Variants in WSCD2 observed in about 807,000 individuals in gnomAD.
WSCD2 encodes the protein WSC domain sialate O sulfotransferase 2, also known as sialate:O-sulfotransferase 2.
A neutral mutation model predicts 55.7 loss-of-function variants in WSCD2; 28 were observed. That is an observed-to-expected ratio of 0.50 (90% confidence interval 0.37 to 0.69). The LOEUF (loss-of-function observed/expected upper bound fraction) is 0.69. Among genes scored for constraint, WSCD2 ranks in the 30% least tolerant of loss-of-function variants. WSCD2 has a pLI of 0.00. For missense variants in WSCD2, 616 were observed against 762.1 expected, an observed-to-expected ratio of 0.81 and a Z score of 2.26; for synonymous variants, 301 against 301.9, an observed-to-expected ratio of 1.00 and a Z score of 0.03.
chr12:108,206,797 TGTAG>T (rs1000358634), intron 3 of WSCD2, among the ~76,000 whole-genome samples: 3 of 152,184 alleles, frequency 2.0e-5, no homozygotes, highest in African/African-American at 7.2e-5. Flanking sequence ...TGCTTGTGTG[TGTAG>T]GTGTCTGATT....
chr12:108,176,614 A>G (rs535064791), intron 1 of WSCD2, among the ~76,000 whole-genome samples: 1 of 152,260 alleles, frequency 6.6e-6, no homozygotes. Context: ...AAATATTTGC[A>G]TGCAGATTTT....
At chr12:108,229,050 T>C (rs11829234) in intron 6 of WSCD2, among the ~76,000 whole-genome samples, 17 of 152,262 alleles carry the variant, frequency 1.1e-4, no homozygotes, top group African/African-American at 3.1e-4. Context: ...CCCTAATTGA[T>C]GAATTTGCTC....
intron 1 of WSCD2, among the ~76,000 whole-genome samples, chr12:108,166,931 C>T (rs1040283540): frequency 6.6e-6 from 1 of 151,568 alleles, no homozygotes; most frequent in Non-Finnish European, 1.5e-5. Context: ...CCTGCCTCAG[C>T]CTCCGGAGTA....
At chr12:108,233,070 C>A in intron 7 of WSCD2, 175 bp downstream of exon 7, 1 of 769,060 alleles carries the variant, frequency 1.3e-6, no homozygotes, top group Non-Finnish European at 2.0e-6. Context: ...CCTTTATGCC[C>A]CACAAACATT....
rs1159508940 is a variant in WSCD2 at position 108,156,856 on chromosome 12, T to C, written c.-552+26930T>C. On this transcript the variant is annotated intron_variant, in intron 1 of 8. Transcript: ENST00000547525. ...GCATGTTTCCTCTAAGTCTAGAAAC[T>C]CTGCTATTCTGAGCCAAGCTTGGAG... Among the ~76,000 whole-genome samples, 3 of 152,208 alleles carry C rather than the reference T, an allele frequency of 2.0e-5. 1 individual carries two copies. Among genetic ancestry groups the C allele is most frequent in the Non-Finnish European group, 4.4e-5 (3 of 68,030 alleles).
chr12:108,225,626 G>C (rs1221311102), intron 5 of WSCD2, among the ~76,000 whole-genome samples: 4 of 152,182 alleles, frequency 2.6e-5, no homozygotes, highest in Non-Finnish European at 5.9e-5. Context: ...TTTGGCACTG[G>C]ATAGCACTTG....
chr12:108,196,011 AG>A lies in WSCD2; in HGVS notation c.182del (p.Gly61ValfsTer94). ...ANPAAAGGPA[E>X]GAELSFLGDM... is the part of the protein sequence containing the mutation. ...CCCGCTGCTGCAGGAGGCCCAGCTG[AG>A]GGTGCTGAGCTGTCCTTCTTGGGTG... is the stretch of plus-strand genomic sequence containing the variant. On this transcript the variant is annotated frameshift_variant, in exon 2 of 9. Transcript: ENST00000547525. LOFTEE classifies it high-confidence loss of function. 1 of 1,614,170 alleles carries A rather than the reference AG, an allele frequency of 6.2e-7. No individual in the cohort carries two copies. Among genetic ancestry groups the A allele is most frequent in the Non-Finnish European group, 8.5e-7 (1 of 1,180,032 alleles).
chr12:108,147,892 C>A (rs1031932896), intron 1 of WSCD2, among the ~76,000 whole-genome samples: 3 of 151,896 alleles, frequency 2.0e-5, no homozygotes, highest in Admixed American at 2.0e-4. Flanking sequence ...AGAAAATGAC[C>A]ATACTCTTTC....
intron 6 of WSCD2, among the ~76,000 whole-genome samples, chr12:108,229,080 C>T (rs1408266853): frequency 1.3e-5 from 2 of 152,172 alleles, no homozygotes; most frequent in African/African-American, 2.4e-5. Flanking sequence ...GCCCTACCCC[C>T]AGGCCATTAC....
intron 4 of WSCD2, among the ~76,000 whole-genome samples, chr12:108,213,970 A>G (rs1404614214): frequency 6.6e-6 from 1 of 152,134 alleles, no homozygotes; most frequent in East Asian, 1.9e-4. Flanking sequence ...GAAATCTGCA[A>G]TGTCTTTGCT....
At chr12:108,244,987 C>G (rs1028244839) in intron 8 of WSCD2, among the ~76,000 whole-genome samples, 36 of 152,070 alleles carry the variant, frequency 2.4e-4, no homozygotes, top group African/African-American at 6.5e-4. Flanking sequence ...TTTATCCAGT[C>G]CTCCACTGAG....
chr12:108,210,058 G>T lies in WSCD2; in HGVS notation c.498-63G>T. On this transcript the variant is annotated intron_variant, in intron 3 of 8. Transcript: ENST00000547525. The surrounding 1 kb of genome is among the most constrained non-coding windows in gnomAD (Gnocchi z 4.3). ...CTCCCATCCCCCAGGTCTCCATGTT[G>T]TGTCTCCCTGCCTCGGGGTCTCCAT... 1 of 1,606,658 alleles carries T rather than the reference G, an allele frequency of 6.2e-7. No individual in the cohort carries two copies. The highest frequency in any genetic ancestry group is 8.5e-7 in the Non-Finnish European group (1 of 1,174,946).
At position 108,210,251 on chromosome 12, in the gene WSCD2, G is replaced by A. The variant is rs771199825; in HGVS notation, c.628G>A (p.Ala210Thr). The change falls in exon 4 of 9, where the codon GCC becomes ACC. Residue 210 changes from alanine (A) to threonine (T), a missense_variant. Around this residue, in one of 3 missense-constraint regions of WSCD2, gnomAD observed 374 missense variants for 467.4 expected, o/e 0.80. Transcript: ENST00000547525. The surrounding 1 kb of genome is among the most constrained non-coding windows in gnomAD (Gnocchi z 4.3). ...CGAGCGAGGCAGCGTGTGCGGCGGC[G>A]CCAACCGCCTCTCTGTCTACCGGCT... ...KGERGSVCGG[A>T]NRLSVYRLQL... 1.7e-5 allele frequency: 27 copies of A among 1,590,982 alleles called. No individual in the cohort carries two copies. Among genetic ancestry groups the A allele is most frequent in the Admixed American group, 6.8e-5 (4 of 58,828 alleles).
At chr12:108,202,370 C>T (rs930806133) in intron 2 of WSCD2, among the ~76,000 whole-genome samples, 2 of 152,158 alleles carry the variant, frequency 1.3e-5, no homozygotes, top group African/African-American at 2.4e-5. Context: ...ATGTATCTTC[C>T]TCTCCCTCCT....
chr12:108,178,594 C>T (rs552311434), intron 1 of WSCD2, among the ~76,000 whole-genome samples: 11 of 152,290 alleles, frequency 7.2e-5, no homozygotes, highest in South Asian at 2.1e-4. Context: ...ATTCTTTATC[C>T]GCTTATTTTT....
chr12:108,240,197 C>G (rs1046510403), intron 7 of WSCD2, 147 bp from the exon 8 acceptor site: 1 of 962,446 alleles, frequency 1.0e-6, no homozygotes. Context: ...TAGCACAGTG[C>G]CTGGCACATA....
intron 1 of WSCD2, among the ~76,000 whole-genome samples, chr12:108,133,474 C>A (rs938230952): frequency 6.6e-6 from 1 of 152,150 alleles, no homozygotes; most frequent in Non-Finnish European, 1.5e-5. Flanking sequence ...ATGCACATCT[C>A]TGAGGGTGTG....
At chr12:108,132,840 C>T (rs1875744753) in intron 1 of WSCD2, among the ~76,000 whole-genome samples, 1 of 152,206 alleles carries the variant, frequency 6.6e-6, no homozygotes, top group African/African-American at 2.4e-5. Context: ...TTGTGCTATG[C>T]ACTTACAGGC....
intron 1 of WSCD2, among the ~76,000 whole-genome samples, chr12:108,175,643 C>T (rs538206230): frequency 1.3e-5 from 2 of 152,264 alleles, no homozygotes; most frequent in South Asian, 4.1e-4. Flanking sequence ...GGATGAGGGG[C>T]GTGTGGGAAC....
Sources: gnomAD v4.1 joint callset for allele counts (sites outside exome capture counted in the v4.1 genomes callset) on GRCh38, gnomAD v4.1.1 for gene constraint, gnomAD v4.1.1 regional missense constraint, Gnocchi (gnomAD v3.1) non-coding constraint, MANE v1.5 for transcripts, NCBI Gene and HGNC (gene_info 2026-07-23, HGNC 2026-07-21) for gene names.